The following ARID1B variants were observed in gnomAD, a reference collection of about 807,000 sequenced individuals.
ARID1B encodes the protein AT-rich interaction domain 1B, also known as AT-rich interactive domain-containing protein 1B.
Under a neutral mutation model 212.3 loss-of-function variants are expected in ARID1B, and 30 were observed. The observed-to-expected ratio is 0.14, with a 90% CI of 0.11 to 0.19. The LOEUF is 0.19. ARID1B is among the 10% of genes least tolerant of loss of function. The pLI is 1.00. For missense variants in ARID1B, 2,891 were observed against 3,204.0 expected, an observed-to-expected ratio of 0.90 and a Z score of 2.36; for synonymous variants, 1,402 against 1,301.7, an observed-to-expected ratio of 1.08 and a Z score of -1.66.
intron 11 of ARID1B, among the ~76,000 whole-genome samples, chr6:157,177,329 G>A (rs1476965712): frequency 6.6e-6 from 1 of 152,188 alleles, no homozygotes; most frequent in Non-Finnish European, 1.5e-5. Context: ...AGAGTATAAT[G>A]AAGAACCTAA....
At chr6:156,997,111 A>G (rs966768341) in intron 4 of ARID1B, among the ~76,000 whole-genome samples, 1 of 152,214 alleles carries the variant, frequency 6.6e-6, no homozygotes, top group Non-Finnish European at 1.5e-5. Flanking sequence ...AGTACCCGTG[A>G]ATGGATGTGG....
chr6:156,894,267 C>CGGGGGATGGGATGGGGGCCG (rs1788197682), intron 2 of ARID1B, among the ~76,000 whole-genome samples: 1 of 26,864 alleles, frequency 3.7e-5, no homozygotes, highest in African/African-American at 1.7e-4. Flanking sequence ...TGGTGCTTGC[C>CGGGGGATGGGATGGGGGCCG]GGGGGTTGGG....
chr6:157,149,188 G>A (rs979805695), intron 8 of ARID1B: 1 of 532,846 alleles, frequency 1.9e-6, no homozygotes, highest in Non-Finnish European at 3.4e-6. Context: ...CATCAGTCGT[G>A]GGAGGTGATT....
intron 5 of ARID1B, among the ~76,000 whole-genome samples, chr6:157,093,257 A>G (rs191688490): frequency 1.1e-4 from 16 of 152,362 alleles, no homozygotes; most frequent in Admixed American, 9.8e-4. Flanking sequence ...CTTCTGGTAT[A>G]TCACCATGTT....
chr6:156,871,501 G>T, intron 2 of ARID1B: 3 of 868,338 alleles, frequency 3.5e-6, no homozygotes, highest in Non-Finnish European at 5.6e-6. Context: ...AGGTTTTCTT[G>T]GAGTGATTAA....
Position 157,116,080 on chromosome 6 carries a change from T to C in ARID1B, c.2581+5519T>C, listed in dbSNP as rs1021269175. 2.0e-5 allele frequency among the ~76,000 whole-genome samples: 3 copies of C among 152,186 alleles called. No individual in the cohort carries two copies. The South Asian group carries it at 6.2e-4, about 31-fold the overall frequency. On this transcript the variant is annotated intron_variant, in intron 6 of 19. Coordinates refer to ENST00000636930, the MANE Select transcript of ARID1B (RefSeq NM_001374828.1). ...TCTTAATCTTTATATGTCTTGAAAT[T>C]CAAAAAGAAAAATAGGAAACGGCTT...
intron 19 of ARID1B, chr6:157,205,767 T>G (rs546935517): frequency 5.9e-6 from 1 of 169,982 alleles, no homozygotes; most frequent in African/African-American, 2.4e-5. Flanking sequence ...CAGAGTCACT[T>G]TGGGCAAAAG....
intron 4 of ARID1B, among the ~76,000 whole-genome samples, chr6:157,018,419 T>C (rs1780038963): frequency 6.6e-6 from 1 of 152,116 alleles, no homozygotes; most frequent in Non-Finnish European, 1.5e-5. Flanking sequence ...TTTCACCATA[T>C]TGGCCAGGCA....
chr6:156,789,558 T>C (rs1779877399), intron 1 of ARID1B, among the ~76,000 whole-genome samples: 1 of 152,210 alleles, frequency 6.6e-6, no homozygotes, highest in Non-Finnish European at 1.5e-5. Flanking sequence ...GAAGTTTTGA[T>C]GTTAGAGGGT....
intron 2 of ARID1B, among the ~76,000 whole-genome samples, chr6:156,864,291 A>G (rs563504639): frequency 5.3e-5 from 8 of 152,166 alleles, no homozygotes; most frequent in Non-Finnish European, 1.0e-4. Context: ...TAAGGAGAGG[A>G]TGCTCTCTGA....
At chr6:157,086,670 A>C (rs1355641803) in intron 5 of ARID1B, among the ~76,000 whole-genome samples, 1 of 152,206 alleles carries the variant, frequency 6.6e-6, no homozygotes, top group African/African-American at 2.4e-5. Flanking sequence ...CTAAACTTGT[A>C]TATTCATTGT....
At chr6:157,101,267 A>G (rs946630223) in intron 5 of ARID1B, among the ~76,000 whole-genome samples, 1 of 152,236 alleles carries the variant, frequency 6.6e-6, no homozygotes, top group African/African-American at 2.4e-5. Context: ...GCTGAAAACC[A>G]TGAACTATGT....
chr6:157,017,568 T>C (rs1562552119), intron 4 of ARID1B, among the ~76,000 whole-genome samples: 1 of 152,242 alleles, frequency 6.6e-6, no homozygotes, highest in Non-Finnish European at 1.5e-5. Context: ...TAGGAATTCA[T>C]CAGTAGTAAC....
chr6:156,882,428 G>T (rs1787173015), intron 2 of ARID1B, among the ~76,000 whole-genome samples: 1 of 152,158 alleles, frequency 6.6e-6, no homozygotes, highest in South Asian at 2.1e-4. Flanking sequence ...GGATGATTCT[G>T]TGGACACCTA....
chr6:156,841,779 A>C (rs1038634225), intron 2 of ARID1B, among the ~76,000 whole-genome samples: 1 of 152,176 alleles, frequency 6.6e-6, no homozygotes, highest in Non-Finnish European at 1.5e-5. Context: ...GCATTGTTAT[A>C]TAGTCATCCT....
intron 4 of ARID1B, among the ~76,000 whole-genome samples, chr6:157,039,694 CTTCT>C (rs1172236936): frequency 3.4e-4 from 20 of 58,476 alleles, no homozygotes; most frequent in South Asian, 2.0e-3. Flanking sequence ...TCCTTCCTTC[CTTCT>C]TTCTTTCCTT....
In ARID1B at chr6:157,208,886, A is replaced by G. The variant is rs1359718582; in HGVS notation, c.*995A>G. ...ATACAAAAAACAAAAACAAAAAAAA[A>G]AGAGGGTAATGTACAAGTTTCTGTA... On this transcript the variant is annotated 3_prime_UTR_variant, in exon 20 of 20. Transcript: ENST00000636930. 4.4e-6 allele frequency: 1 copy of G among 228,472 alleles called. No individual in the cohort carries two copies. The highest frequency in any genetic ancestry group is 8.7e-6 in the Non-Finnish European group (1 of 115,314). 14.2% of individuals were successfully genotyped at this position (228,472 alleles called of 1,614,324 possible).
At chr6:156,950,334 A>T (rs1311711453) in intron 4 of ARID1B, among the ~76,000 whole-genome samples, 1 of 152,276 alleles carries the variant, frequency 6.6e-6, no homozygotes, top group Non-Finnish European at 1.5e-5. Context: ...GCAACCAGCC[A>T]TGAAGGATAA....
At chr6:157,136,935 T>G (rs1788957069) in intron 7 of ARID1B, among the ~76,000 whole-genome samples, 1 of 151,752 alleles carries the variant, frequency 6.6e-6, no homozygotes, top group Non-Finnish European at 1.5e-5. Flanking sequence ...CTCAGCACTT[T>G]GAGAGGCTGA....
Sources: allele counts gnomAD v4.1 joint callset (sites outside exome capture counted in the v4.1 genomes callset), GRCh38; gene constraint gnomAD v4.1.1; transcripts MANE v1.5; gene names NCBI Gene and HGNC (gene_info 2026-07-23, HGNC 2026-07-21).